TRIOBP: variants seen among roughly 807,000 people sequenced by gnomAD.
The protein encoded by TRIOBP is TRIO and F-actin-binding protein.
Under a neutral mutation model 238.8 loss-of-function variants are expected in TRIOBP, and 169 were observed. The observed-to-expected ratio is 0.71, with a 90% CI of 0.62 to 0.80. The LOEUF is 0.80. TRIOBP is among the 30% of genes least tolerant of loss of function. The pLI, the probability that TRIOBP is intolerant of heterozygous loss-of-function variation, is 0.00. For missense variants in TRIOBP, 2,838 were observed against 3,122.6 expected (o/e 0.91, Z 2.17); for synonymous variants, 1,150 against 1,274.4 (o/e 0.90, Z 2.08).
rs1433801062 is a variant in TRIOBP, at chr22:37,759,243, C to T, written c.6303C>T (p.Ile2101=). Residue 2101 remains isoleucine (I), a synonymous_variant, in exon 17 of 24, where the codon ATC becomes ATT. Transcript: ENST00000644935. ...SALRSQEDGH[I]PPGYISQEAC... ...TGAGATCCCAGGAGGATGGCCACAT[C>T]CCCCCGGGCTACATCTCACAGGTAA... 3.1e-6 allele frequency: 5 copies of T among 1,612,722 alleles called. No individual in the cohort carries two copies. In the Admixed American group the frequency reaches 8.3e-5, roughly 27 times the overall value.
At chr22:37,727,667 A>G (rs1166423372) in intron 7 of TRIOBP, among the ~76,000 whole-genome samples, 2 of 151,864 alleles carry the variant, frequency 1.3e-5, no homozygotes, top group African/African-American at 4.8e-5. Context: ...GACTCCATCT[A>G]AAAATAAAAA....
intron 8 of TRIOBP, among the ~76,000 whole-genome samples, 173 bp from the exon 9 acceptor site, chr22:37,734,225 AG>A (rs1359276755): frequency 6.6e-6 from 1 of 152,136 alleles, no homozygotes; most frequent in Non-Finnish European, 1.5e-5. Flanking sequence ...AGCGGGTGAA[AG>A]GGAGGAGCTG....
At chr22:37,718,515 G>T (rs1373864800) in intron 6 of TRIOBP, among the ~76,000 whole-genome samples, 2 of 151,172 alleles carry the variant, frequency 1.3e-5, no homozygotes, top group Non-Finnish European at 2.9e-5. Context: ...CCCAGAGTGG[G>T]GCAAACCAAC....
chr22:37,758,936 G>A (rs1926094773), intron 16 of TRIOBP, among the ~76,000 whole-genome samples: 1 of 152,086 alleles, frequency 6.6e-6, no homozygotes, highest in Non-Finnish European at 1.5e-5. Context: ...GGCTCTCCCA[G>A]GTCATTGACC....
chr22:37,759,711 C>T, intron 17 of TRIOBP: 8 of 1,485,658 alleles, frequency 5.4e-6, no homozygotes, highest in Non-Finnish European at 7.1e-6. Context: ...ACAGGGGAGC[C>T]TCCAGTAGCC....
rs1236257642 is a variant in TRIOBP at position 37,713,489 on chromosome 22, C to T, written c.456+78C>T. On this transcript the variant is annotated intron_variant, in intron 5 of 23. Coordinates refer to ENST00000644935, the MANE Select transcript of TRIOBP (RefSeq NM_001039141.3). ...CAGCCCTGGGTCCCACCTAAACCTC[C>T]AGGCCAGGGCTGAGCCTCACACCAG... is the stretch of plus-strand genomic sequence containing the variant. The T allele has an allele frequency of 6.5e-6, 10 of 1,535,982 alleles. No homozygotes were observed. The East Asian group carries it at 2.2e-4, about 34-fold the overall frequency.
At chr22:37,716,339 C>T (rs1402197885) in intron 6 of TRIOBP, among the ~76,000 whole-genome samples, 1 of 150,648 alleles carries the variant, frequency 6.6e-6, no homozygotes, top group African/African-American at 2.4e-5. Context: ...CTCAAACTCC[C>T]AACCTTCAGT....
chr22:37,718,919 T>C (rs1374914067), intron 6 of TRIOBP, among the ~76,000 whole-genome samples: 7 of 139,182 alleles, frequency 5.0e-5, no homozygotes, highest in Admixed American at 3.8e-4. Flanking sequence ...CGATCTCAGC[T>C]CATTGCAACC....
At chr22:37,758,910 G>A (rs1023038825) in intron 16 of TRIOBP, among the ~76,000 whole-genome samples, 4 of 152,136 alleles carry the variant, frequency 2.6e-5, no homozygotes, top group African/African-American at 4.8e-5. Context: ...TCCCTGTCTA[G>A]CCTTCTCTGG....
chr22:37,759,173 A>G lies in TRIOBP; in HGVS notation c.6233A>G (p.Gln2078Arg). ...LEKEVQALRA[Q>R]LEAWRLQGEA... Reference sequence around the variant, plus strand: ...TCGTAGGTTCAGGCTCTTCGGGCCCAGCTGGAGGCGTGGCGTCTCCAAGGG... The same window carrying G: ...TCGTAGGTTCAGGCTCTTCGGGCCCGGCTGGAGGCGTGGCGTCTCCAAGGG... Residue 2078 changes from glutamine (Q) to arginine (R), a missense_variant, in exon 17 of 24, where the codon CAG (glutamine) becomes CGG (arginine). Coordinates refer to ENST00000644935, the MANE Select transcript of TRIOBP (RefSeq NM_001039141.3). 6.2e-7 allele frequency: 1 copy of G among 1,612,744 alleles called. No individual in the cohort carries two copies. The highest frequency in any genetic ancestry group is 8.5e-7 in the Non-Finnish European group (1 of 1,179,870).
chr22:37,757,594 G>A lies in TRIOBP; in HGVS notation c.5688-19G>A. 3 of 1,566,250 alleles carry A rather than the reference G, an allele frequency of 1.9e-6. No homozygotes were observed. Among genetic ancestry groups the A allele is most frequent in the Non-Finnish European group, 2.6e-6 (3 of 1,160,246 alleles). ...GCAGGGGTGAGGACCCACCTGACGT[G>A]GCTCTGCTGGTGCCCTAGGCTCTCG... On this transcript the variant is annotated intron_variant, in intron 15 of 23. Transcript: ENST00000644935.
Position 37,735,244 on chromosome 22 carries a change from C to T in TRIOBP, c.4908C>T (p.Ala1636=). The part of the protein sequence containing the change: ...SHSQPEGWAE[A]TPVNGHSPAL... ...GCCAGCCAGAAGGCTGGGCCGAGGC[C>T]ACCCCAGTCAATGGACACAGCCCCG... Residue 1636 remains alanine (A), a synonymous_variant, in exon 9 of 24, where the codon GCC becomes GCT. Coordinates refer to ENST00000644935, the MANE Select transcript of TRIOBP (RefSeq NM_001039141.3). The T allele has an allele frequency of 6.2e-7, 1 of 1,603,916 alleles. No individual in the cohort carries two copies. Among genetic ancestry groups the T allele is most frequent in the Admixed American group, 1.7e-5 (1 of 59,782 alleles).
intron 3 of TRIOBP, 22 bp from the exon 4 acceptor site, chr22:37,710,405 C>T (rs757399162): frequency 1.2e-6 from 2 of 1,612,814 alleles, no homozygotes; most frequent in Admixed American, 3.3e-5. Flanking sequence ...TGAGCTGTCT[C>T]CTCTCTCCAA....
chr22:37,742,257 GTTTT>G (rs762341330), intron 11 of TRIOBP, among the ~76,000 whole-genome samples: 1 of 102,778 alleles, frequency 9.7e-6, no homozygotes, highest in Non-Finnish European at 1.8e-5. Context: ...CACGCCAGGC[GTTTT>G]TTTTTTTTTT....
Position 37,725,933 on chromosome 22 carries a change from C to G in TRIOBP, c.3377C>G (p.Pro1126Arg), listed in dbSNP as rs766898636. 6.2e-7 allele frequency: 1 copy of G among 1,613,808 alleles called. No individual in the cohort carries two copies. The highest frequency in any genetic ancestry group is 2.2e-5 in the East Asian group (1 of 44,848). ...GATGCACCCCGGGCCTCCTCCCCAC[C>G]ACGCCAGGCCCCAGAGCCTTCCCTC... ...YRDAPRASSP[P>R]RQAPEPSLLF... The change falls in exon 7 of 24, where the codon CCA (proline) becomes CGA (arginine). Residue 1126 changes from proline (P) to arginine (R), a missense_variant. This residue lies in a region of TRIOBP where 2,096 missense variants were observed against 2,137.4 expected (regional missense o/e 0.98). Coordinates refer to ENST00000644935, the MANE Select transcript of TRIOBP (RefSeq NM_001039141.3).
chr22:37,736,110 C>T (rs764196894), intron 9 of TRIOBP, among the ~76,000 whole-genome samples: 40 of 152,302 alleles, frequency 2.6e-4, no homozygotes, highest in South Asian at 8.3e-4. Flanking sequence ...GTGGGCCCAG[C>T]GCCGGGCACA....
rs376093216 is a variant in TRIOBP, at chr22:37,775,794, A to G, written c.*2014A>G. 6.6e-6 allele frequency: 1 copy of G among 152,192 alleles called. No individual in the cohort carries two copies. The highest frequency in any genetic ancestry group is 2.4e-5 in the African/African-American group (1 of 41,436). 9.4% of individuals were successfully genotyped at this position (152,192 alleles called of 1,614,324 possible). ...AAGGGCGAAACTCCATCTCAAAAAA[A>G]AAGGGGGAGGGTGGCGCAAGGAGAG... is the stretch of plus-strand genomic sequence containing the variant. On this transcript the variant is annotated 3_prime_UTR_variant, in exon 24 of 24. Coordinates refer to ENST00000644935, the MANE Select transcript of TRIOBP (RefSeq NM_001039141.3).
chr22:37,757,299 G>A (rs1311435904), intron 15 of TRIOBP, among the ~76,000 whole-genome samples: 3 of 152,110 alleles, frequency 2.0e-5, no homozygotes, highest in Non-Finnish European at 2.9e-5. Flanking sequence ...GGAGTTTAAG[G>A]CTGCAGTGAA....
At chr22:37,767,787 C>T (rs1926575227) in intron 18 of TRIOBP, among the ~76,000 whole-genome samples, 2 of 152,122 alleles carry the variant, frequency 1.3e-5, no homozygotes, top group South Asian at 2.1e-4. Flanking sequence ...TGAGCTGTCT[C>T]CCCAGTAGGG....
Sources: allele counts gnomAD v4.1 joint callset (sites outside exome capture counted in the v4.1 genomes callset), GRCh38; gene constraint gnomAD v4.1.1; regional missense constraint gnomAD v4.1.1; transcripts MANE v1.5; gene names NCBI Gene and HGNC (gene_info 2026-07-23, HGNC 2026-07-21).